The following PAGE2B variants were observed in gnomAD, a reference collection of about 807,000 sequenced individuals.
PAGE2B encodes the protein PAGE family member 2B.
A neutral mutation model predicts 7.6 loss-of-function variants in PAGE2B; 5 were observed. The observed-to-expected ratio is 0.66, with a 90% CI of 0.34 to 1.38. The LOEUF is 1.38. Ranked by LOEUF, PAGE2B falls within the 40% of genes most tolerant of loss-of-function variation. PAGE2B has a pLI of 0.04. For synonymous variants in PAGE2B, 29 were observed against 26.7 expected (o/e 1.09, Z -0.27); for missense variants, 70 against 78.4 (o/e 0.89, Z 0.41).
the PAGE2B span, among the ~76,000 whole-genome samples, chrX:55,065,117 A>G: frequency 8.9e-6 from 1 of 111,893 alleles, no homozygotes; most frequent in Non-Finnish European, 1.9e-5. Context: ...TTTTCTGTCC[A>G]GGAGATCTGT....
At chrX:55,049,200 C>A in the PAGE2B span, among the ~76,000 whole-genome samples, 1 of 110,280 alleles carries the variant, frequency 9.1e-6, no homozygotes, top group Non-Finnish European at 1.9e-5. Flanking sequence ...CTGCTGGATT[C>A]GGTTTGCCAG....
chrX:55,035,436 G>T, the PAGE2B span, among the ~76,000 whole-genome samples: 1 of 111,766 alleles, frequency 8.9e-6, no homozygotes, highest in East Asian at 2.8e-4. Flanking sequence ...CACAGGGAAA[G>T]GGGCAATCCA....
At chrX:55,042,496 T>C in the PAGE2B span, among the ~76,000 whole-genome samples, 4 of 104,803 alleles carry the variant, frequency 3.8e-5, no homozygotes, top group Non-Finnish European at 7.8e-5. Context: ...CTACTAAAAA[T>C]ACAAAAAATT....
chrX:55,068,408 T>A, the PAGE2B span, among the ~76,000 whole-genome samples: 1 of 111,921 alleles, frequency 8.9e-6, no homozygotes, highest in African/African-American at 3.2e-5. Context: ...ATATCTGTTT[T>A]GGTACCAGTA....
chrX:55,042,793 AT>A, the PAGE2B span, among the ~76,000 whole-genome samples: 1 of 109,657 alleles, frequency 9.1e-6, no homozygotes, highest in Admixed American at 9.8e-5. Flanking sequence ...TACAAATTTA[AT>A]GCAATTCCCA....
the PAGE2B span, among the ~76,000 whole-genome samples, chrX:55,034,198 A>G: frequency 8.9e-6 from 1 of 111,765 alleles, no homozygotes; most frequent in Non-Finnish European, 1.9e-5. Flanking sequence ...TGAAACTCAG[A>G]GAGTAGCATG....
chrX:55,076,733 G>A (rs1936524640), intron 3 of PAGE2B, 56 bp downstream of exon 3: 1 of 965,886 alleles, frequency 1.0e-6, no homozygotes, highest in African/African-American at 1.9e-5. Context: ...TTTATGCATT[G>A]TATTTTATGA....
chrX:55,065,010 A>T, the PAGE2B span, among the ~76,000 whole-genome samples: 1 of 111,795 alleles, frequency 8.9e-6, no homozygotes, highest in South Asian at 3.7e-4. Flanking sequence ...AAGGAAAAAA[A>T]ATGTGTATTC....
chrX:55,065,532 T>C, the PAGE2B span, among the ~76,000 whole-genome samples: 2 of 111,727 alleles, frequency 1.8e-5, no homozygotes, highest in African/African-American at 6.5e-5. Flanking sequence ...TTGGTTCATT[T>C]ACATTCAATG....
chrX:55,077,836 A>G (rs1936540444), intron 4 of PAGE2B, among the ~76,000 whole-genome samples: 1 of 112,055 alleles, frequency 8.9e-6, no homozygotes, highest in African/African-American at 3.3e-5. Context: ...GAAACATGCT[A>G]AAACAGTAGA....
the PAGE2B span, among the ~76,000 whole-genome samples, chrX:55,053,412 C>G: frequency 8.9e-6 from 1 of 111,746 alleles, no homozygotes; most frequent in Non-Finnish European, 1.9e-5. Flanking sequence ...ATAGCTAATG[C>G]ATGCAGGGCT....
At chrX:55,077,994 T>A (rs1374844876) in intron 4 of PAGE2B, among the ~76,000 whole-genome samples, 1 of 85,625 alleles carries the variant, frequency 1.2e-5, no homozygotes, top group Non-Finnish European at 2.2e-5. Context: ...TAAAGAAAGA[T>A]GAAAACGTGT....
chrX:55,030,068 C>A, the PAGE2B span, among the ~76,000 whole-genome samples: 3 of 108,782 alleles, frequency 2.8e-5, no homozygotes, highest in Admixed American at 3.0e-4. Flanking sequence ...CCTAGTACCC[C>A]TTTCCCACCA....
At chrX:55,048,875 T>C in the PAGE2B span, among the ~76,000 whole-genome samples, 8 of 111,806 alleles carry the variant, frequency 7.2e-5, no homozygotes, top group Non-Finnish European at 1.5e-4. Context: ...GGCATCCCTG[T>C]CTTGTGCCAG....
the PAGE2B span, chrX:55,044,663 G>T: frequency 9.0e-6 from 1 of 111,715 alleles, no homozygotes; most frequent in Non-Finnish European, 1.9e-5. Flanking sequence ...ACAGACCAGT[G>T]AAGAGATTAG....
chrX:55,059,876 C>T, the PAGE2B span, among the ~76,000 whole-genome samples: 111 of 111,276 alleles, frequency 1.0e-3, no homozygotes, highest in East Asian at 0.025. Flanking sequence ...CAGCATTTGC[C>T]TTTCTGTGTC....
chrX:55,072,823 T>C (rs1206781759), upstream of PAGE2B, among the ~76,000 whole-genome samples: 5 of 112,009 alleles, frequency 4.5e-5, no homozygotes, highest in African/African-American at 6.5e-5. Flanking sequence ...CAAGCTGTGA[T>C]GAGTTTCACC....
At chrX:55,038,510 A>C in the PAGE2B span, among the ~76,000 whole-genome samples, 1 of 112,092 alleles carries the variant, frequency 8.9e-6, no homozygotes, top group African/African-American at 3.2e-5. Flanking sequence ...GAAATAATCA[A>C]ATTGTCAACT....
At chrX:55,041,554 G>T in the PAGE2B span, among the ~76,000 whole-genome samples, 5 of 111,782 alleles carry the variant, frequency 4.5e-5, no homozygotes, top group Non-Finnish European at 7.5e-5. Flanking sequence ...GTTTTATTTT[G>T]GAAAAAACCC....
Sources: allele counts gnomAD v4.1 joint callset (sites outside exome capture counted in the v4.1 genomes callset), GRCh38; gene constraint gnomAD v4.1.1; transcripts MANE v1.5; gene names NCBI Gene and HGNC (gene_info 2026-07-23, HGNC 2026-07-21).